SPATA17: variants seen among roughly 807,000 people sequenced by gnomAD.
SPATA17 encodes spermatogenesis-associated protein 17.
In SPATA17, 53 loss-of-function variants were observed where a neutral mutation model predicts 62.2. The observed-to-expected ratio is 0.85, with a 90% CI of 0.68 to 1.07. The LOEUF is 1.07. SPATA17 is among the 50% of genes least tolerant of loss of function. The probability of loss-of-function intolerance (pLI) is 0.00; values close to 1 mark genes in which losing one functional copy is unlikely to be tolerated. For synonymous variants in SPATA17, 146 were observed against 146.8 expected, an observed-to-expected ratio of 0.99 and a Z score of 0.04; for missense variants, 466 against 425.5, an observed-to-expected ratio of 1.10 and a Z score of -0.84.
chr1:217,638,179 G>T (rs1299593106), intron 1 of SPATA17, among the ~76,000 whole-genome samples: 3 of 151,686 alleles, frequency 2.0e-5, no homozygotes, highest in Admixed American at 6.6e-5. Context: ...AATTTTTATT[G>T]CTGTATTATA....
intron 3 of SPATA17, among the ~76,000 whole-genome samples, chr1:217,664,674 A>G (rs1440623492): frequency 3.9e-5 from 6 of 152,124 alleles, no homozygotes; most frequent in Admixed American, 3.9e-4. Context: ...TCAGAAGCCT[A>G]AGGAAGGATA....
chr1:217,704,756 A>G (rs1276630349), intron 5 of SPATA17, among the ~76,000 whole-genome samples: 2 of 151,926 alleles, frequency 1.3e-5, no homozygotes, highest in African/African-American at 2.4e-5. Flanking sequence ...ATGTGTGGGT[A>G]GTTTTCCATG....
intron 1 of SPATA17, among the ~76,000 whole-genome samples, chr1:217,638,448 A>C (rs1201920752): frequency 6.6e-6 from 1 of 152,186 alleles, no homozygotes; most frequent in African/African-American, 2.4e-5. Context: ...TCTATTTACC[A>C]TGCCCTGAAA....
At chr1:217,730,512 C>T (rs1672379501) in intron 5 of SPATA17, among the ~76,000 whole-genome samples, 2 of 152,078 alleles carry the variant, frequency 1.3e-5, no homozygotes, top group Non-Finnish European at 2.9e-5. Flanking sequence ...TGAGCCACCA[C>T]GCCCAGCCAA....
chr1:217,754,177 G>A (rs550817696), intron 6 of SPATA17, among the ~76,000 whole-genome samples: 3 of 152,238 alleles, frequency 2.0e-5, no homozygotes, highest in Non-Finnish European at 4.4e-5. Flanking sequence ...CGAGGCTGCA[G>A]TGAGCCATGA....
chr1:217,744,550 A>G (rs966414924), intron 6 of SPATA17, among the ~76,000 whole-genome samples: 6 of 151,938 alleles, frequency 3.9e-5, no homozygotes, highest in South Asian at 4.2e-4. Context: ...AGGTATTACC[A>G]TTGTGTTTTA....
intron 5 of SPATA17, among the ~76,000 whole-genome samples, chr1:217,689,913 T>A (rs1671306915): frequency 6.6e-6 from 1 of 152,048 alleles, no homozygotes; most frequent in East Asian, 1.9e-4. Flanking sequence ...TTTTCTTTTT[T>A]TTTTTTTGAG....
At chr1:217,799,414 C>T (rs1217498000) in intron 8 of SPATA17, among the ~76,000 whole-genome samples, 1 of 152,098 alleles carries the variant, frequency 6.6e-6, no homozygotes, top group Admixed American at 6.6e-5. Context: ...GCTCGCAGCA[C>T]CTCCTTTGTA....
chr1:217,862,740 T>C (rs1449155869), intron 9 of SPATA17, 34 bp from the exon 10 acceptor site: 2 of 1,408,284 alleles, frequency 1.4e-6, no homozygotes, highest in Non-Finnish European at 2.0e-6. Flanking sequence ...ATCATGAAGA[T>C]CTCTGTGGTA....
At chr1:217,731,822 A>T (rs552979936) in intron 5 of SPATA17, among the ~76,000 whole-genome samples, 1 of 152,186 alleles carries the variant, frequency 6.6e-6, no homozygotes, top group Admixed American at 6.5e-5. Context: ...TGTATTTTAG[A>T]TATAATATTA....
chr1:217,821,929 G>T (rs1046516109), intron 9 of SPATA17, among the ~76,000 whole-genome samples: 4 of 152,022 alleles, frequency 2.6e-5, no homozygotes, highest in Admixed American at 1.3e-4. Flanking sequence ...CTCTACAAGG[G>T]GTGATTTTGT....
At chr1:217,742,230 C>T (rs1672640736) in intron 6 of SPATA17, 132 bp downstream of exon 6, 4 of 1,250,412 alleles carry the variant, frequency 3.2e-6, no homozygotes, top group Admixed American at 4.4e-5. Flanking sequence ...AGTTCAATTT[C>T]GTGCTTCTGT....
At chr1:217,771,413 T>C (rs185591830) in intron 6 of SPATA17, among the ~76,000 whole-genome samples, 2 of 152,212 alleles carry the variant, frequency 1.3e-5, no homozygotes, top group Admixed American at 1.3e-4. Flanking sequence ...ATAGTAATAT[T>C]TTTAAAAATC....
chr1:217,816,816 T>C (rs1180916050), intron 9 of SPATA17, among the ~76,000 whole-genome samples: 1 of 152,090 alleles, frequency 6.6e-6, no homozygotes, highest in Non-Finnish European at 1.5e-5. Flanking sequence ...CAATATAAGC[T>C]GTAATGTTGA....
At chr1:217,712,140 T>TA (rs1671884486) in intron 5 of SPATA17, among the ~76,000 whole-genome samples, 1 of 150,086 alleles carries the variant, frequency 6.7e-6, no homozygotes, top group African/African-American at 2.5e-5. Context: ...TTTGTTTTTT[T>TA]TTTTTTACGG....
intron 3 of SPATA17, among the ~76,000 whole-genome samples, chr1:217,651,678 A>G (rs1054319072): frequency 1.3e-5 from 2 of 152,210 alleles, no homozygotes; most frequent in Non-Finnish European, 2.9e-5. Context: ...GGTTTAAATA[A>G]TTTAATAAAT....
At chr1:217,662,800 C>T (rs1670598800) in intron 3 of SPATA17, among the ~76,000 whole-genome samples, 1 of 152,046 alleles carries the variant, frequency 6.6e-6, no homozygotes, top group Admixed American at 6.5e-5. Flanking sequence ...ATTAGATGAA[C>T]ACATGTTTAT....
At chr1:217,819,417 C>T (rs1364087694) in intron 9 of SPATA17, among the ~76,000 whole-genome samples, 1 of 151,694 alleles carries the variant, frequency 6.6e-6, no homozygotes, top group Non-Finnish European at 1.5e-5. Context: ...AAAGGTGCAT[C>T]TTTCTCTCTC....
rs965814652 is a variant in SPATA17, at chr1:217,842,742, T to G, written c.1006-20032T>G. Among the ~76,000 whole-genome samples, 6 of 152,178 alleles carry G rather than the reference T, an allele frequency of 3.9e-5. No individual in the cohort carries two copies. The South Asian group carries it at 6.2e-4, about 16-fold the overall frequency. On this transcript the variant is annotated intron_variant, in intron 9 of 10. Coordinates refer to ENST00000366933, the MANE Select transcript of SPATA17 (RefSeq NM_138796.4). ...TCGCTTTGTTAGTTTTTTCATGGAATGATCATTTCCTATTTTATTCACATC... is the reference window on the plus strand; with the variant it reads ...TCGCTTTGTTAGTTTTTTCATGGAAGGATCATTTCCTATTTTATTCACATC...
Sources: allele counts gnomAD v4.1 joint callset (sites outside exome capture counted in the v4.1 genomes callset), GRCh38; gene constraint gnomAD v4.1.1; transcripts MANE v1.5; gene names NCBI Gene and HGNC (gene_info 2026-07-23, HGNC 2026-07-21).